The following RSU1 variants were observed in gnomAD, a reference collection of about 807,000 sequenced individuals.
RSU1 encodes Ras suppressor protein 1, also known as rsu-1.
A neutral mutation model predicts 31.1 loss-of-function variants in RSU1; 26 were observed. That is an observed-to-expected ratio of 0.84 (90% CI 0.61 to 1.16). The LOEUF (loss-of-function observed/expected upper bound fraction) is 1.16, where lower values mean the gene tolerates loss of function less well. Ranked by LOEUF, RSU1 falls within the 50% of genes most tolerant of loss-of-function variation. RSU1 has a pLI of 0.00. For synonymous variants in RSU1, 164 were observed against 136.3 expected (o/e 1.20, Z -1.41); for missense variants, 320 against 339.1 (o/e 0.94, Z 0.44).
At chr10:16,785,052 G>C (rs923738246) in intron 2 of RSU1, among the ~76,000 whole-genome samples, 1 of 152,162 alleles carries the variant, frequency 6.6e-6, no homozygotes, top group African/African-American at 2.4e-5. Context: ...AAGATGCTAA[G>C]TATTGATCCT....
intron 2 of RSU1, among the ~76,000 whole-genome samples, chr10:16,809,992 TG>T (rs896528744): frequency 4.5e-4 from 38 of 83,834 alleles, no homozygotes; most frequent in African/African-American, 8.5e-4. Context: ...AGGCCGGGGG[TG>T]GGGGGGGGAG....
At chr10:16,782,150 T>C in intron 2 of RSU1, 66 bp from the exon 3 acceptor site, 2 of 1,314,084 alleles carry the variant, frequency 1.5e-6, no homozygotes, top group Non-Finnish European at 2.2e-6. Context: ...ATTCTACCTG[T>C]ACTCCTACAA....
At chr10:16,725,583 A>G (rs1307930114) in intron 7 of RSU1, among the ~76,000 whole-genome samples, 1 of 151,828 alleles carries the variant, frequency 6.6e-6, no homozygotes, top group Non-Finnish European at 1.5e-5. Context: ...TGCGCTTATA[A>G]CAGGGCTTAA....
In RSU1 at chr10:16,605,712, T is replaced by C. The variant is rs945243383; in HGVS notation, c.732-12216A>G. On this transcript the variant is annotated intron_variant, in intron 8 of 8. Coordinates refer to ENST00000345264, the MANE Select transcript of RSU1 (RefSeq NM_012425.4). ...GTGCTGTGCAGACCGAGGCAAGTGT[T>C]CCCGTCTTTGGGGGCAGTTATCCTC... 3.3e-5 allele frequency among the ~76,000 whole-genome samples: 5 copies of C among 152,324 alleles called. No homozygotes were observed. In the East Asian group the frequency reaches 9.6e-4, roughly 29 times the overall value.
chr10:16,602,206 A>T (rs1337634833), intron 8 of RSU1, among the ~76,000 whole-genome samples: 2 of 152,126 alleles, frequency 1.3e-5, no homozygotes, highest in Non-Finnish European at 2.9e-5. Context: ...GCCCTACGGG[A>T]TGTATCAGGA....
At chr10:16,616,703 T>A (rs1025858809) in intron 8 of RSU1, among the ~76,000 whole-genome samples, 3 of 152,230 alleles carry the variant, frequency 2.0e-5, no homozygotes, top group Admixed American at 6.5e-5. Context: ...GATGCAAGGC[T>A]GGTTCAGCAT....
chr10:16,682,569 CACAT>C (rs931899504), intron 8 of RSU1, among the ~76,000 whole-genome samples: 2 of 148,112 alleles, frequency 1.4e-5, no homozygotes, highest in African/African-American at 5.0e-5. Context: ...CACACACACA[CACAT>C]GCATGCATGT....
chr10:16,779,050 C>G (rs1200772413), intron 3 of RSU1, among the ~76,000 whole-genome samples: 2 of 152,158 alleles, frequency 1.3e-5, no homozygotes, highest in Non-Finnish European at 2.9e-5. Context: ...AGCAAAAAGG[C>G]AGAAGAAAAA....
chr10:16,675,698 T>A (rs1372455173), intron 8 of RSU1, among the ~76,000 whole-genome samples: 1 of 152,264 alleles, frequency 6.6e-6, no homozygotes, highest in East Asian at 1.9e-4. Context: ...ACAAAATAAA[T>A]GTAAAAAAGA....
chr10:16,768,180 T>C (rs1187835007), intron 3 of RSU1, among the ~76,000 whole-genome samples: 1 of 152,236 alleles, frequency 6.6e-6, no homozygotes, highest in Non-Finnish European at 1.5e-5. Flanking sequence ...ACGTGGTCCC[T>C]GACCCTACAG....
chr10:16,647,412 C>T (rs569637593), intron 8 of RSU1, among the ~76,000 whole-genome samples: 32 of 152,264 alleles, frequency 2.1e-4, no homozygotes, highest in Non-Finnish European at 2.9e-4. Flanking sequence ...ACGCCCAAGA[C>T]AAATGAAAAC....
chr10:16,600,866 G>C (rs1265228846), intron 8 of RSU1, among the ~76,000 whole-genome samples: 1 of 152,098 alleles, frequency 6.6e-6, no homozygotes, highest in Non-Finnish European at 1.5e-5. Context: ...CTGGCTGATA[G>C]GTGGATTTTA....
chr10:16,733,552 A>G (rs1016742034), intron 7 of RSU1, among the ~76,000 whole-genome samples: 4 of 152,050 alleles, frequency 2.6e-5, no homozygotes, highest in Admixed American at 6.6e-5. Flanking sequence ...TGTTATTCAA[A>G]GTGGTGTTTG....
intron 2 of RSU1, among the ~76,000 whole-genome samples, chr10:16,811,270 C>T (rs1838402350): frequency 6.6e-6 from 1 of 152,068 alleles, no homozygotes; most frequent in South Asian, 2.1e-4. Flanking sequence ...TGTGTAGGGA[C>T]ATTCTGGGAA....
intron 2 of RSU1, among the ~76,000 whole-genome samples, chr10:16,783,364 C>T (rs12260528): frequency 1.7e-4 from 23 of 132,060 alleles, no homozygotes; most frequent in South Asian, 6.9e-4. Flanking sequence ...ACAACTTTTG[C>T]TTTTTTTTTT....
At chr10:16,763,290 G>A (rs1276352746) in intron 4 of RSU1, among the ~76,000 whole-genome samples, 2 of 152,114 alleles carry the variant, frequency 1.3e-5, no homozygotes, top group South Asian at 2.1e-4. Flanking sequence ...AGGTTTAACC[G>A]ACTCGTGGTT....
chr10:16,781,445 C>T (rs750521629), intron 3 of RSU1, among the ~76,000 whole-genome samples: 2 of 152,192 alleles, frequency 1.3e-5, no homozygotes, highest in Non-Finnish European at 2.9e-5. Context: ...ATCTTTTCCT[C>T]CATCAAGCAG....
Position 16,595,059 on chromosome 10 carries a change from A to G in RSU1, c.732-1563T>C, listed in dbSNP as rs139408425. On this transcript the variant is annotated intron_variant, in intron 8 of 8. Coordinates refer to ENST00000345264, the MANE Select transcript of RSU1 (RefSeq NM_012425.4). ...TTGGCCTCCCAAAGTGCTGAGATTC[A>G]GGCGTGAGCCACCATGCCCCAACAA... is the stretch of plus-strand genomic sequence containing the variant. Among the ~76,000 whole-genome samples, 1,271 of 151,880 alleles carry G rather than the reference A, an allele frequency of 8.4e-3. 15 individuals are homozygous for G. The highest frequency in any genetic ancestry group is 0.023 in the South Asian group (109 of 4,804).
chr10:16,670,738 G>C (rs890838636), intron 8 of RSU1, among the ~76,000 whole-genome samples: 9 of 152,054 alleles, frequency 5.9e-5, no homozygotes, highest in Admixed American at 3.9e-4. Context: ...CCCTTGGTCA[G>C]TACTGGTCAG....
Sources: allele counts gnomAD v4.1 joint callset (sites outside exome capture counted in the v4.1 genomes callset), GRCh38; gene constraint gnomAD v4.1.1; transcripts MANE v1.5; gene names NCBI Gene and HGNC (gene_info 2026-07-23, HGNC 2026-07-21).